ARSG: variants seen among roughly 807,000 people sequenced by gnomAD.
ARSG encodes the protein ASG.
A neutral mutation model predicts 50.5 loss-of-function variants in ARSG; 37 were observed. The ratio of observed to expected loss-of-function variants is 0.73; its 90% confidence interval spans 0.56 to 0.96. The LOEUF (loss-of-function observed/expected upper bound fraction) is 0.96, where lower values mean the gene tolerates loss of function less well. ARSG is among the 50% of genes least tolerant of loss of function. The pLI is 0.00. For missense variants in ARSG, 629 were observed against 675.3 expected, an observed-to-expected ratio of 0.93 and a Z score of 0.76; for synonymous variants, 225 against 254.6, an observed-to-expected ratio of 0.88 and a Z score of 1.11.
chr17:68,280,346 A>C (rs1300425070), intron 1 of ARSG, among the ~76,000 whole-genome samples: 1 of 152,196 alleles, frequency 6.6e-6, no homozygotes, highest in Non-Finnish European at 1.5e-5. Context: ...CATCCTGAAA[A>C]AAAGAACAAA....
At chr17:68,404,949 CCATTGA>C (rs2081640250) in intron 11 of ARSG, among the ~76,000 whole-genome samples, 1 of 152,212 alleles carries the variant, frequency 6.6e-6, no homozygotes, top group African/African-American at 2.4e-5. Flanking sequence ...TGTCCTTTCC[CCATTGA>C]ATGGTCTTGG....
chr17:68,358,613 CG>C (rs1226782561), intron 6 of ARSG, among the ~76,000 whole-genome samples: 1 of 151,212 alleles, frequency 6.6e-6, no homozygotes, highest in African/African-American at 2.4e-5. Flanking sequence ...CACTTGAGCC[CG>C]GGAGGTGGAG....
chr17:68,406,972 A>G (rs1484619617), intron 11 of ARSG, among the ~76,000 whole-genome samples: 2 of 152,192 alleles, frequency 1.3e-5, no homozygotes, highest in African/African-American at 2.4e-5. Context: ...GGCTTTTCCA[A>G]TGTTATCTTC....
intron 11 of ARSG, among the ~76,000 whole-genome samples, chr17:68,418,759 AC>A (rs2082553334): frequency 2.6e-5 from 4 of 152,056 alleles, no homozygotes; most frequent in African/African-American, 4.8e-5. Flanking sequence ...ATTCCATCCT[AC>A]AGGGTCCCCT....
chr17:68,408,899 G>GT (rs1240785246), intron 11 of ARSG, among the ~76,000 whole-genome samples: 12 of 151,390 alleles, frequency 7.9e-5, no homozygotes, highest in Non-Finnish European at 1.3e-4. Context: ...TTTTTCATGT[G>GT]TTTTTTGGCT....
At chr17:68,387,807 A>G (rs1330541816) in intron 9 of ARSG, among the ~76,000 whole-genome samples, 2 of 152,196 alleles carry the variant, frequency 1.3e-5, no homozygotes, top group Admixed American at 1.3e-4. Context: ...TTAAACCTAT[A>G]TCCTTGAGGC....
intron 2 of ARSG, among the ~76,000 whole-genome samples, chr17:68,322,747 T>C (rs920601033): frequency 6.6e-6 from 1 of 152,188 alleles, no homozygotes; most frequent in Non-Finnish European, 1.5e-5. Flanking sequence ...AGGGATAACA[T>C]TCAGGCAGTG....
intron 1 of ARSG, among the ~76,000 whole-genome samples, chr17:68,300,419 A>G (rs889883826): frequency 5.3e-5 from 8 of 152,210 alleles, no homozygotes; most frequent in South Asian, 2.1e-4. Flanking sequence ...ATGTTTAATA[A>G]GTGATAAGTA....
At chr17:68,278,431 T>G in intron 1 of ARSG, 1 of 677,370 alleles carries the variant, frequency 1.5e-6, no homozygotes, top group Non-Finnish European at 2.5e-6. Flanking sequence ...ACCCCATTTC[T>G]TAAGTTGTTG....
intron 8 of ARSG, among the ~76,000 whole-genome samples, chr17:68,373,048 C>T (rs910600391): frequency 4.7e-5 from 7 of 149,022 alleles, no homozygotes; most frequent in East Asian, 3.9e-4. Flanking sequence ...TGTGCCACCA[C>T]GCTCAGCTAA....
intron 8 of ARSG, among the ~76,000 whole-genome samples, chr17:68,373,885 C>T (rs1035252678): frequency 7.2e-5 from 11 of 151,856 alleles, no homozygotes; most frequent in Non-Finnish European, 1.3e-4. Flanking sequence ...CAGCCAGGCG[C>T]GGTGGCTCAC....
intron 2 of ARSG, among the ~76,000 whole-genome samples, chr17:68,311,792 G>A (rs576911377): frequency 1.1e-4 from 15 of 140,908 alleles, no homozygotes; most frequent in African/African-American, 3.6e-4. Flanking sequence ...TTAGCCTCCT[G>A]TACTGTACTT....
At chr17:68,387,142 G>C (rs925995589) in intron 9 of ARSG, among the ~76,000 whole-genome samples, 2 of 148,972 alleles carry the variant, frequency 1.3e-5, no homozygotes, top group Non-Finnish European at 3.0e-5. Context: ...TATTTATTTT[G>C]TTAAGAGACA....
chr17:68,346,830 G>A lies in ARSG; in HGVS notation c.407-295G>A, dbSNP rs530325182. 2.2e-6 allele frequency: 3 copies of A among 1,365,938 alleles called. No homozygotes were observed. The African/African-American group carries it at 4.4e-5, about 20-fold the overall frequency. The allele number at this position is 1,365,938 out of a possible 1,614,324, so 84.6% of individuals were successfully genotyped here. A position where few individuals can be genotyped will look rare whatever the true frequency, so the allele number is the denominator to read the frequency against. ...CCCATGTGGGGTTGCTGTGTCTGTG[G>A]AGCCCTCTTTGAGGGGCAGAGGCTC... On this transcript the variant is annotated intron_variant, in intron 3 of 11. Coordinates refer to ENST00000621439, the MANE Select transcript of ARSG (RefSeq NM_001267727.2).
At chr17:68,336,219 C>CT (rs1168566295) in intron 2 of ARSG, among the ~76,000 whole-genome samples, 7 of 148,458 alleles carry the variant, frequency 4.7e-5, no homozygotes, top group South Asian at 2.2e-4. Flanking sequence ...TCTTTTCTTT[C>CT]TTTTTTTTTA....
chr17:68,314,741 CAGTT>C (rs2077005316), intron 2 of ARSG, among the ~76,000 whole-genome samples: 1 of 152,082 alleles, frequency 6.6e-6, no homozygotes, highest in South Asian at 2.1e-4. Flanking sequence ...TCTGTGTAAT[CAGTT>C]AGCATAGAGC....
At chr17:68,433,410 G>A in the ARSG span, 3 of 1,440,652 alleles carry the variant, frequency 2.1e-6, no homozygotes, top group African/African-American at 2.8e-5. Context: ...GCCAGTAGAA[G>A]AGCCTAGGCC....
At chr17:68,320,065 C>G (rs1330935934) in intron 2 of ARSG, among the ~76,000 whole-genome samples, 2 of 151,932 alleles carry the variant, frequency 1.3e-5, no homozygotes, top group African/African-American at 4.8e-5. Flanking sequence ...GGTGGGCAGA[C>G]TACCTGAGCC....
At chr17:68,317,888 CAG>C (rs2077128788) in intron 2 of ARSG, among the ~76,000 whole-genome samples, 1 of 152,186 alleles carries the variant, frequency 6.6e-6, no homozygotes, top group Non-Finnish European at 1.5e-5. Flanking sequence ...CACCTGAGGT[CAG>C]GAGTTCAAGA....
Sources: gnomAD v4.1 joint callset for allele counts (sites outside exome capture counted in the v4.1 genomes callset) on GRCh38, gnomAD v4.1.1 for gene constraint, MANE v1.5 for transcripts, NCBI Gene and HGNC (gene_info 2026-07-23, HGNC 2026-07-21) for gene names.